Variants in CFAP77 observed in about 807,000 individuals in gnomAD.
CFAP77 encodes cilia- and flagella-associated protein 77.
CFAP77 carries 25 observed loss-of-function variants against 31.1 expected under a neutral mutation model. The observed-to-expected ratio is 0.80, with a 90% confidence interval of 0.59 to 1.12. CFAP77 has a LOEUF of 1.12. CFAP77 is among the 50% of genes most tolerant of loss of function. The pLI, the probability that CFAP77 is intolerant of heterozygous loss-of-function variation, is 0.00. For missense variants in CFAP77, 377 were observed against 397.3 expected (o/e 0.95, Z 0.44); for synonymous variants, 151 against 159.9 (o/e 0.94, Z 0.42).
At chr9:132,452,757 G>T (rs925346071) in intron 1 of CFAP77, among the ~76,000 whole-genome samples, 1 of 152,100 alleles carries the variant, frequency 6.6e-6, no homozygotes, top group Non-Finnish European at 1.5e-5. Context: ...CTGAGATGGG[G>T]TGCCTCATGC....
intron 1 of CFAP77, among the ~76,000 whole-genome samples, chr9:132,485,329 T>C (rs1851522464): frequency 6.6e-6 from 1 of 152,188 alleles, no homozygotes; most frequent in Non-Finnish European, 1.5e-5. Flanking sequence ...ATGATACCTA[T>C]TTTCTAGGTA....
At chr9:132,427,894 A>G (rs376578435) in intron 1 of CFAP77, among the ~76,000 whole-genome samples, 30 of 152,218 alleles carry the variant, frequency 2.0e-4, no homozygotes, top group African/African-American at 7.2e-4. Context: ...ATTCTCAGGT[A>G]CTGGGAGTTA....
intron 1 of CFAP77, among the ~76,000 whole-genome samples, chr9:132,457,157 A>C (rs934919673): frequency 3.3e-5 from 5 of 152,056 alleles, no homozygotes; most frequent in Non-Finnish European, 7.4e-5. Context: ...CCTGAAGATG[A>C]GGAAGATGAG....
At chr9:132,553,403 A>G (rs1459254057) in intron 5 of CFAP77, among the ~76,000 whole-genome samples, 1 of 152,152 alleles carries the variant, frequency 6.6e-6, no homozygotes, top group Admixed American at 6.5e-5. Context: ...GGAGTTCAAG[A>G]CCAGCCTGGG....
intron 5 of CFAP77, among the ~76,000 whole-genome samples, chr9:132,559,840 C>T (rs1852965961): frequency 6.6e-6 from 1 of 152,148 alleles, no homozygotes; most frequent in African/African-American, 2.4e-5. Context: ...AATACTATTC[C>T]CTGGAAAGGA....
chr9:132,569,696 T>C (rs1829930081), intron 5 of CFAP77, among the ~76,000 whole-genome samples: 1 of 150,156 alleles, frequency 6.7e-6, no homozygotes, highest in African/African-American at 2.5e-5. Flanking sequence ...CAAGGTCTGA[T>C]GCACCTGTCT....
intron 1 of CFAP77, among the ~76,000 whole-genome samples, chr9:132,482,734 T>G (rs1851469827): frequency 1.4e-5 from 2 of 142,056 alleles, no homozygotes; most frequent in African/African-American, 2.7e-5. Context: ...CCTAGTTGGA[T>G]TCTCATTTTT....
rs142253346 is a variant in CFAP77, at chr9:132,563,520, G to A, written c.733-8868G>A. On this transcript the variant is annotated intron_variant, in intron 5 of 5. Coordinates refer to ENST00000393216, the MANE Select transcript of CFAP77 (RefSeq NM_001282957.2). ...CCTCTGAATTCACCACCCTTCATCC[G>A]AGCAGGCCCCACTGATGGACATGCA... Among the ~76,000 whole-genome samples the A allele has an allele frequency of 3.1e-4, 47 of 152,282 alleles. 1 individual carries two copies. Among genetic ancestry groups the A allele is most frequent in the African/African-American group, 1.0e-3 (43 of 41,576 alleles).
At chr9:132,566,788 C>T (rs1453384049) in intron 5 of CFAP77, among the ~76,000 whole-genome samples, 1 of 152,226 alleles carries the variant, frequency 6.6e-6, no homozygotes, top group Non-Finnish European at 1.5e-5. Context: ...CCTCTGGCCT[C>T]TGCGGATCTG....
chr9:132,437,503 ATTTTTTTTTT>A (rs763301010), intron 1 of CFAP77, among the ~76,000 whole-genome samples: 1 of 90,468 alleles, frequency 1.1e-5, no homozygotes, highest in Non-Finnish European at 2.1e-5. Flanking sequence ...CCACTTTTGC[ATTTTTTTTTT>A]TTTTTTTTTT....
chr9:132,534,538 G>A (rs1258634502), intron 3 of CFAP77, among the ~76,000 whole-genome samples: 1 of 150,770 alleles, frequency 6.6e-6, no homozygotes, highest in African/African-American at 2.5e-5. Context: ...CGTGAACCCA[G>A]GAGGCGGAGC....
Position 132,497,744 on chromosome 9 carries a change from C to T in CFAP77, c.196-951C>T, listed in dbSNP as rs1202099854. 2.6e-5 allele frequency among the ~76,000 whole-genome samples: 4 copies of T among 152,126 alleles called. No homozygotes were observed. The highest frequency in any genetic ancestry group is 4.8e-5 in the African/African-American group (2 of 41,416). On this transcript the variant is annotated intron_variant, in intron 1 of 5. Transcript: ENST00000393216. This position sits in a 1 kb window ranked among gnomAD's most constrained non-coding sequence, Gnocchi z 4.9. ...CTGCCTCACTGCGCAGCTATGCAGA[C>T]GGCATGAGGGAAGGCCAGGGAGCCC...
chr9:132,415,958 A>G (rs997135098), intron 1 of CFAP77, among the ~76,000 whole-genome samples: 4 of 152,234 alleles, frequency 2.6e-5, no homozygotes, highest in African/African-American at 4.8e-5. Context: ...AATGCTAACA[A>G]TGGAGACCAC....
intron 5 of CFAP77, among the ~76,000 whole-genome samples, chr9:132,561,440 C>A (rs953742289): frequency 2.0e-5 from 3 of 151,704 alleles, no homozygotes; most frequent in Admixed American, 1.3e-4. Context: ...AGTTAGGGGA[C>A]CTTCGTGTGG....
chr9:132,411,567 C>T (rs1850002623), intron 1 of CFAP77, among the ~76,000 whole-genome samples: 1 of 152,144 alleles, frequency 6.6e-6, no homozygotes, highest in African/African-American at 2.4e-5. Context: ...GCCTTTCCAT[C>T]GAATAGGCTC....
intron 1 of CFAP77, among the ~76,000 whole-genome samples, chr9:132,419,143 C>T (rs1850163771): frequency 6.6e-6 from 1 of 152,126 alleles, no homozygotes; most frequent in African/African-American, 2.4e-5. Flanking sequence ...GTGGAAAACA[C>T]ATAATGAGCC....
intron 3 of CFAP77, among the ~76,000 whole-genome samples, chr9:132,521,773 T>TC (rs1234305457): frequency 8.4e-6 from 1 of 118,486 alleles, no homozygotes; most frequent in Non-Finnish European, 1.7e-5. Flanking sequence ...TTTTTTTTTT[T>TC]TTTTTTTTTT....
At chr9:132,487,247 G>A (rs1404981534) in intron 1 of CFAP77, among the ~76,000 whole-genome samples, 1 of 152,154 alleles carries the variant, frequency 6.6e-6, no homozygotes, top group Non-Finnish European at 1.5e-5. Flanking sequence ...TGAGGTGAGG[G>A]ACTTACCCAA....
intron 1 of CFAP77, among the ~76,000 whole-genome samples, chr9:132,486,022 A>ATATATATGTATG (rs1564222980): frequency 9.3e-4 from 24 of 25,848 alleles, no homozygotes; most frequent in Admixed American, 2.2e-3. Context: ...ATATATATAT[A>ATATATATGTATG]TATATATATA....
Sources: allele counts gnomAD v4.1 joint callset (sites outside exome capture counted in the v4.1 genomes callset), GRCh38; gene constraint gnomAD v4.1.1; non-coding constraint Gnocchi (gnomAD v3.1); transcripts MANE v1.5; gene names NCBI Gene and HGNC (gene_info 2026-07-23, HGNC 2026-07-21).